Variants in MTA3 observed in about 807,000 individuals in gnomAD.
MTA3 encodes the protein metastasis associated 1 family member 3.
Under a neutral mutation model 83.5 loss-of-function variants are expected in MTA3, and 34 were observed. That is an observed-to-expected ratio of 0.41 (90% confidence interval 0.31 to 0.54). The LOEUF (loss-of-function observed/expected upper bound fraction) is 0.54, where lower values mean the gene tolerates loss of function less well. Ranked by LOEUF, MTA3 falls within the 20% of genes least tolerant of loss-of-function variation. The pLI is 0.33. For missense variants in MTA3, 761 were observed against 726.4 expected (o/e 1.05, Z -0.55); for synonymous variants, 303 against 252.7 (o/e 1.20, Z -1.89).
At chr2:42,611,227 C>G (rs1055020937) in intron 4 of MTA3, among the ~76,000 whole-genome samples, 17 of 151,948 alleles carry the variant, frequency 1.1e-4, no homozygotes, top group African/African-American at 4.1e-4. Flanking sequence ...TCGTGATCCA[C>G]CCGCCTCAGC....
intron 4 of MTA3, among the ~76,000 whole-genome samples, chr2:42,630,697 T>C (rs951280285): frequency 6.6e-6 from 1 of 152,220 alleles, no homozygotes; most frequent in Non-Finnish European, 1.5e-5. Flanking sequence ...AATAATACTA[T>C]AATGAATAAA....
At chr2:42,649,569 G>T (rs146725219) in intron 6 of MTA3, among the ~76,000 whole-genome samples, 2 of 152,202 alleles carry the variant, frequency 1.3e-5, no homozygotes, top group African/African-American at 4.8e-5. Flanking sequence ...AATTGTGTCA[G>T]TTCATATGTG....
chr2:42,563,868 G>C (rs1394576212), upstream of MTA3, among the ~76,000 whole-genome samples: 1 of 147,370 alleles, frequency 6.8e-6, no homozygotes, highest in Non-Finnish European at 1.5e-5. Flanking sequence ...TTGTTGCCCA[G>C]GCTGGAGTGC....
rs1219109589 is a variant in MTA3 at position 42,756,399 on chromosome 2, C to G, written c.*3000C>G. On this transcript the variant is annotated 3_prime_UTR_variant, in exon 17 of 17. Coordinates refer to ENST00000405094, the MANE Select transcript of MTA3 (RefSeq NM_001330442.2). ...AGTTGGAAGCAGCTGCCCTGGGAGC[C>G]TGGGACAGGCGACCCACCGGGTCAG... 1.1e-6 allele frequency: 1 copy of G among 935,424 alleles called. No homozygotes were observed. The highest frequency in any genetic ancestry group is 1.2e-4 in the East Asian group (1 of 8,596). 57.9% of individuals were successfully genotyped at this position (935,424 alleles called of 1,614,324 possible). A position where few individuals can be genotyped will look rare whatever the true frequency, so the allele number is the denominator to read the frequency against.
chr2:42,612,164 G>A (rs1332831722), intron 4 of MTA3, among the ~76,000 whole-genome samples: 2 of 152,156 alleles, frequency 1.3e-5, no homozygotes, highest in African/African-American at 2.4e-5. Flanking sequence ...ACATAAAAAC[G>A]TGACATTTTC....
At chr2:42,553,083 C>T (rs1677195037) in intron 2 of MTA3, among the ~76,000 whole-genome samples, 1 of 151,984 alleles carries the variant, frequency 6.6e-6, no homozygotes, top group South Asian at 2.1e-4. Context: ...TTGAGATCAG[C>T]CTGGGCAACA....
At chr2:42,636,722 G>A (rs948238306) in intron 4 of MTA3, among the ~76,000 whole-genome samples, 4 of 150,638 alleles carry the variant, frequency 2.7e-5, no homozygotes, top group Non-Finnish European at 4.4e-5. Context: ...CGGCTCCCAG[G>A]TTCAAGCCAT....
chr2:42,710,226 G>A (rs1666481991), intron 14 of MTA3, among the ~76,000 whole-genome samples: 1 of 152,122 alleles, frequency 6.6e-6, no homozygotes, highest in Non-Finnish European at 1.5e-5. Flanking sequence ...TAAAACTTAA[G>A]TAGCAGCTCT....
chr2:42,726,418 A>ATATG (rs1667823784), intron 16 of MTA3, among the ~76,000 whole-genome samples: 1 of 151,352 alleles, frequency 6.6e-6, no homozygotes, highest in South Asian at 2.1e-4. Context: ...GGTTAGTTAC[A>ATATG]TATGTATACA....
intron 2 of MTA3, among the ~76,000 whole-genome samples, chr2:42,545,989 T>G (rs1676741678): frequency 6.6e-6 from 1 of 152,180 alleles, no homozygotes; most frequent in Non-Finnish European, 1.5e-5. Context: ...GGCTCCGCGT[T>G]AACACTAATC....
chr2:42,725,176 TG>T, intron 16 of MTA3, among the ~76,000 whole-genome samples: 1 of 152,388 alleles, frequency 6.6e-6, no homozygotes, highest in South Asian at 2.1e-4. Flanking sequence ...GAATTTGTTT[TG>T]CATATCATTG....
At chr2:42,622,443 C>G (rs547772388) in intron 4 of MTA3, among the ~76,000 whole-genome samples, 56 of 151,790 alleles carry the variant, frequency 3.7e-4, no homozygotes, top group African/African-American at 1.3e-3. Context: ...GGAGAGGGAT[C>G]TTATTAGAGT....
intron 4 of MTA3, among the ~76,000 whole-genome samples, chr2:42,631,501 G>GTT (rs1056876028): frequency 6.7e-6 from 1 of 149,956 alleles, no homozygotes. Context: ...TTGTGTGTGT[G>GTT]TTTTTTTTTG....
chr2:42,575,756 T>G (rs372275196), intron 2 of MTA3, among the ~76,000 whole-genome samples: 2 of 152,336 alleles, frequency 1.3e-5, no homozygotes, highest in African/African-American at 4.8e-5. Context: ...ATTGTTTTCT[T>G]GAGGCACATA....
intron 8 of MTA3, among the ~76,000 whole-genome samples, chr2:42,661,209 T>C (rs1689669076): frequency 6.6e-6 from 1 of 152,036 alleles, no homozygotes; most frequent in Non-Finnish European, 1.5e-5. Flanking sequence ...GAAGCAAGAG[T>C]ACAGATGTCA....
chr2:42,718,308 C>T (rs376496842), intron 14 of MTA3, among the ~76,000 whole-genome samples: 21 of 151,912 alleles, frequency 1.4e-4, no homozygotes, highest in African/African-American at 4.3e-4. Flanking sequence ...AGTGCAATGG[C>T]GTGATCTTGG....
intron 16 of MTA3, among the ~76,000 whole-genome samples, chr2:42,743,463 G>T (rs191571406): frequency 1.3e-5 from 2 of 152,326 alleles, no homozygotes; most frequent in Non-Finnish European, 2.9e-5. Context: ...TGAGTTTTCA[G>T]TGGGACAGAG....
intron 8 of MTA3, among the ~76,000 whole-genome samples, chr2:42,662,969 T>C (rs1346189350): frequency 3.1e-5 from 3 of 96,296 alleles, no homozygotes; most frequent in Admixed American, 1.3e-4. Flanking sequence ...GACCTCGTGA[T>C]CTGCCCACTT....
At chr2:42,745,075 A>G (rs957041077) in intron 16 of MTA3, among the ~76,000 whole-genome samples, 3 of 152,270 alleles carry the variant, frequency 2.0e-5, no homozygotes, top group African/African-American at 7.2e-5. Context: ...CTTTAAGCTC[A>G]GAAAACATCT....
Sources: gnomAD v4.1 joint callset for allele counts (sites outside exome capture counted in the v4.1 genomes callset) on GRCh38, gnomAD v4.1.1 for gene constraint, MANE v1.5 for transcripts, NCBI Gene and HGNC (gene_info 2026-07-23, HGNC 2026-07-21) for gene names.